The following SLC6A5 variants were observed in gnomAD, a reference collection of about 807,000 sequenced individuals.
SLC6A5 encodes the protein solute carrier family 6 member 5.
A neutral mutation model predicts 90.5 loss-of-function variants in SLC6A5; 58 were observed. The ratio of observed to expected loss-of-function variants is 0.64; its 90% CI spans 0.52 to 0.80. The LOEUF (loss-of-function observed/expected upper bound fraction) is 0.80. SLC6A5 is among the 30% of genes least tolerant of loss of function. The pLI is 0.00. For synonymous variants in SLC6A5, 427 were observed against 401.4 expected (o/e 1.06, Z -0.76); for missense variants, 1,015 against 1,017.6 (o/e 1.00, Z 0.03).
At chr11:20,647,615 T>C (rs956197846) in intron 14 of SLC6A5, among the ~76,000 whole-genome samples, 8 of 152,074 alleles carry the variant, frequency 5.3e-5, no homozygotes, top group Non-Finnish European at 8.8e-5. Flanking sequence ...GTAGGCTTTG[T>C]TCACAGTGCT....
At chr11:20,607,360 CTA>C in intron 4 of SLC6A5, 117 bp from the exon 5 acceptor site, 1 of 1,248,866 alleles carries the variant, frequency 8.0e-7, no homozygotes, top group African/African-American at 1.5e-5. Flanking sequence ...GTCCACTCTG[CTA>C]TTAGTGCATC....
At chr11:20,605,479 C>CA (rs1852561386) in intron 3 of SLC6A5, among the ~76,000 whole-genome samples, 1 of 152,196 alleles carries the variant, frequency 6.6e-6, no homozygotes, top group South Asian at 2.1e-4. Context: ...CATTTGCCAT[C>CA]GGGGGTGCCC....
At chr11:20,611,579 A>G (rs1294661178) in intron 5 of SLC6A5, among the ~76,000 whole-genome samples, 1 of 152,102 alleles carries the variant, frequency 6.6e-6, no homozygotes, top group Admixed American at 6.5e-5. Flanking sequence ...CCAAAACCCT[A>G]GCTCCAAACT....
chr11:20,599,695 C>T lies in SLC6A5; in HGVS notation c.3+20C>T, dbSNP rs777931284. 5 of 1,613,794 alleles carry T rather than the reference C, an allele frequency of 3.1e-6. No homozygotes were observed. The highest frequency in any genetic ancestry group is 3.4e-6 in the Non-Finnish European group (4 of 1,179,932). ...GACATGGTGAGTGTTTGCTTTTGTT[C>T]TTTCAAGAGGAAAGGGGGCTGAGGG... On this transcript the variant is annotated intron_variant, in intron 1 of 15. Coordinates refer to ENST00000525748, the MANE Select transcript of SLC6A5 (RefSeq NM_004211.5).
At position 20,607,139 on chromosome 11, in the gene SLC6A5, G is replaced by A; in HGVS notation, c.811+1G>A. Reference sequence around the variant, plus strand: ...TGGAAGGCCATCCCAGCTCTACAAGGTGAGTCCAGCCTGCCGCTCAGCCTC... The same window carrying A: ...TGGAAGGCCATCCCAGCTCTACAAGATGAGTCCAGCCTGCCGCTCAGCCTC... On this transcript the variant is annotated splice_donor_variant, in intron 4 of 15. Transcript: ENST00000525748. LOFTEE classifies it high-confidence loss of function. 6.2e-7 allele frequency: 1 copy of A among 1,612,312 alleles called. No homozygotes were observed. The highest frequency in any genetic ancestry group is 8.5e-7 in the Non-Finnish European group (1 of 1,179,234).
chr11:20,617,774 G>T lies in SLC6A5; in HGVS notation c.1150G>T (p.Ala384Ser), dbSNP rs1187108565. 1 of 1,614,118 alleles carries T rather than the reference G, an allele frequency of 6.2e-7. No homozygotes were observed. Among genetic ancestry groups the T allele is most frequent in the Non-Finnish European group, 8.5e-7 (1 of 1,180,028 alleles). ...CAGGTACTTTGTGCTGAAGATTTCTGCAGGGATTGAATATCCTGGCGAGAT... is the reference window on the plus strand; with the variant it reads ...CAGGTACTTTGTGCTGAAGATTTCTTCAGGGATTGAATATCCTGGCGAGAT... ...YFKYFVLKIS[A>S]GIEYPGEIRW... The change falls in exon 7 of 16, where the codon GCA becomes TCA. Residue 384 changes from alanine to serine, a missense_variant. Around this residue, in one of 3 missense-constraint regions of SLC6A5, gnomAD observed 567 missense variants for 507.3 expected, o/e 1.12. Transcript: ENST00000525748.
rs551208276 is a variant in SLC6A5 at position 20,656,161 on chromosome 11, T to A, written c.*1293T>A. On this transcript the variant is annotated 3_prime_UTR_variant, in exon 16 of 16. Transcript: ENST00000525748. ...GCAGAAATTGGCAAAGTGTAAACTT[T>A]ATTATCTTCTTGTATCCTGAACATG... is the stretch of plus-strand genomic sequence containing the variant. 6.6e-6 allele frequency: 1 copy of A among 152,342 alleles called. No homozygotes were observed. Among genetic ancestry groups the A allele is most frequent in the African/African-American group, 2.4e-5 (1 of 41,582 alleles). The allele number at this position is 152,342 out of a possible 1,614,324, so 9.4% of individuals were successfully genotyped here.
intron 7 of SLC6A5, among the ~76,000 whole-genome samples, chr11:20,625,743 C>T (rs923292678): frequency 2.6e-5 from 4 of 152,144 alleles, no homozygotes; most frequent in African/African-American, 7.2e-5. Context: ...GCCTCACACG[C>T]CTGCCTTGCC....
intron 14 of SLC6A5, among the ~76,000 whole-genome samples, chr11:20,650,034 G>A (rs1415380046): frequency 3.9e-5 from 6 of 152,194 alleles, no homozygotes; most frequent in Non-Finnish European, 7.3e-5. Context: ...CAGTAATACA[G>A]ATGCCTTACA....
At chr11:20,630,310 G>T (rs539057475) in intron 9 of SLC6A5, among the ~76,000 whole-genome samples, 1 of 152,292 alleles carries the variant, frequency 6.6e-6, no homozygotes, top group Non-Finnish European at 1.5e-5. Flanking sequence ...AATCCCATGA[G>T]TTGGCTCTGT....
chr11:20,601,757 T>C (rs1020535071), intron 2 of SLC6A5, 92 bp downstream of exon 2: 2 of 1,371,904 alleles, frequency 1.5e-6, no homozygotes, highest in African/African-American at 1.4e-5. Context: ...CGTATGCTGA[T>C]GGGGAAACCG....
intron 8 of SLC6A5, among the ~76,000 whole-genome samples, chr11:20,627,710 C>T (rs1192340404): frequency 6.6e-6 from 1 of 152,158 alleles, no homozygotes; most frequent in African/African-American, 2.4e-5. Context: ...TTCCGTTTAG[C>T]TTTACAGGAG....
chr11:20,630,957 C>A, intron 10 of SLC6A5, 142 bp downstream of exon 10: 1 of 894,622 alleles, frequency 1.1e-6, no homozygotes, highest in Non-Finnish European at 1.8e-6. Flanking sequence ...TACAGAGGGA[C>A]CAAGGCAGGC....
intron 5 of SLC6A5, among the ~76,000 whole-genome samples, chr11:20,610,203 G>C (rs999265386): frequency 6.6e-6 from 1 of 152,184 alleles, no homozygotes; most frequent in African/African-American, 2.4e-5. Context: ...TCTTTGTTCG[G>C]GGTTGCTGGG....
intron 14 of SLC6A5, among the ~76,000 whole-genome samples, chr11:20,649,218 C>T (rs1254207271): frequency 3.3e-5 from 5 of 152,120 alleles, no homozygotes; most frequent in Admixed American, 2.6e-4. Context: ...AATCTTATGC[C>T]AGAAAGTTGT....
chr11:20,601,540 G>A lies in SLC6A5; in HGVS notation c.415G>A (p.Gly139Ser). 2.5e-6 allele frequency: 4 copies of A among 1,614,166 alleles called. No individual in the cohort carries two copies. The highest frequency in any genetic ancestry group is 3.4e-6 in the Non-Finnish European group (4 of 1,180,002). ...GGATGCGAACGTGAGTGTGGGCAAG[G>A]GCACCCTGGAGCGGAACAATACCCC... ...EGDANVSVGK[G>S]TLERNNTPVV... The change falls in exon 2 of 16, where the codon GGC becomes AGC. Residue 139 changes from glycine to serine, a missense_variant. Transcript: ENST00000525748.
rs1304379321 is a variant in SLC6A5 at position 20,646,882 on chromosome 11, C to T, written c.2018C>T (p.Pro673Leu). 3 of 1,613,738 alleles carry T rather than the reference C, an allele frequency of 1.9e-6. No homozygotes were observed. The East Asian group carries it at 6.7e-5, about 36-fold the overall frequency. ...ATAGAGATGATGATTGGATTCCAGC[C>T]TAACATCTTCTGGAAAGTCTGCTGG... ...EDIEMMIGFQ[P>L]NIFWKVCWAF... The change falls in exon 14 of 16, where the codon CCT becomes CTT. Residue 673 changes from proline (P) to leucine (L), a missense_variant. Transcript: ENST00000525748.
intron 12 of SLC6A5, among the ~76,000 whole-genome samples, chr11:20,638,159 A>G (rs1164664738): frequency 2.6e-5 from 4 of 152,246 alleles, no homozygotes; most frequent in Admixed American, 2.6e-4. Flanking sequence ...CTGCTTTCAC[A>G]TATACTTCTT....
rs185814720 is a variant in SLC6A5, at chr11:20,627,630, C to T, written c.1396-350C>T. 1.1e-3 allele frequency among the ~76,000 whole-genome samples: 170 copies of T among 152,164 alleles called. 1 individual carries two copies. The highest frequency in any genetic ancestry group is 3.9e-3 in the African/African-American group (163 of 41,492). On this transcript the variant is annotated intron_variant, in intron 8 of 15. Transcript: ENST00000525748. Reference sequence around the variant, plus strand: ...TTAAAAAGGGTTTTGATTTTGCATCCGTTGTTATATTTTTCTGTTGTAAAT... The same window carrying T: ...TTAAAAAGGGTTTTGATTTTGCATCTGTTGTTATATTTTTCTGTTGTAAAT...
Sources: gnomAD v4.1 joint callset for allele counts (sites outside exome capture counted in the v4.1 genomes callset) on GRCh38, gnomAD v4.1.1 for gene constraint, gnomAD v4.1.1 regional missense constraint, MANE v1.5 for transcripts, NCBI Gene and HGNC (gene_info 2026-07-23, HGNC 2026-07-21) for gene names.